The following KLHL1 variants were observed in gnomAD, a reference collection of about 807,000 sequenced individuals.
The protein encoded by KLHL1 is kelch-like protein 1.
Under a neutral mutation model 77.7 loss-of-function variants are expected in KLHL1, and 47 were observed. That is an observed-to-expected ratio of 0.60 (90% confidence interval 0.48 to 0.77). The LOEUF is 0.77. KLHL1 is among the 30% of genes least tolerant of loss of function. KLHL1 has a pLI of 0.00. For missense variants in KLHL1, 925 were observed against 910.8 expected (o/e 1.02, Z -0.20); for synonymous variants, 360 against 325.2 (o/e 1.11, Z -1.15).
intron 1 of KLHL1, among the ~76,000 whole-genome samples, chr13:70,009,732 T>A (rs1023581361): frequency 1.2e-4 from 19 of 152,202 alleles, no homozygotes; most frequent in African/African-American, 4.6e-4. Flanking sequence ...TTCATTGCTA[T>A]TCATTAATCC....
chr13:70,011,891 G>T (rs1157466246), intron 1 of KLHL1, among the ~76,000 whole-genome samples: 1 of 152,106 alleles, frequency 6.6e-6, no homozygotes, highest in African/African-American at 2.4e-5. Flanking sequence ...ATGTTTAATG[G>T]ACTTAAGAGT....
chr13:70,025,746 A>G (rs752315170), intron 1 of KLHL1, among the ~76,000 whole-genome samples: 1 of 151,868 alleles, frequency 6.6e-6, no homozygotes, highest in Non-Finnish European at 1.5e-5. Flanking sequence ...TTTTAAAAAT[A>G]TGTACAGGCA....
intron 4 of KLHL1, among the ~76,000 whole-genome samples, chr13:69,911,185 A>T (rs1882225885): frequency 6.6e-6 from 1 of 151,912 alleles, no homozygotes; most frequent in African/African-American, 2.4e-5. Context: ...AATTATTCAC[A>T]ATTTTTATAA....
chr13:70,037,914 A>C (rs1886279336), intron 1 of KLHL1, among the ~76,000 whole-genome samples: 1 of 152,080 alleles, frequency 6.6e-6, no homozygotes. Context: ...ACCACTTTAG[A>C]CTTTTTTATA....
intron 6 of KLHL1, among the ~76,000 whole-genome samples, chr13:69,837,012 G>A (rs949617565): frequency 2.0e-5 from 3 of 151,836 alleles, no homozygotes; most frequent in Admixed American, 6.6e-5. Flanking sequence ...TTGACTATAC[G>A]ACTCTTTATA....
In KLHL1 at chr13:69,991,835, T is replaced by A. The variant is rs79590245; in HGVS notation, c.498-16033A>T. Among the ~76,000 whole-genome samples, 689 of 152,106 alleles carry A rather than the reference T, an allele frequency of 4.5e-3. 3 individuals are homozygous for A. Among genetic ancestry groups the A allele is most frequent in the Middle Eastern group, 0.014 (4 of 294 alleles). ...CTCAAGTGAGAGCCAGAGATAAACA[T>A]GATAGGAGAATTTATTAATATAAAG... On this transcript the variant is annotated intron_variant, in intron 1 of 10. Coordinates refer to ENST00000377844, the MANE Select transcript of KLHL1 (RefSeq NM_020866.3).
chr13:69,900,723 C>A (rs1196387545), intron 4 of KLHL1, among the ~76,000 whole-genome samples: 1 of 152,154 alleles, frequency 6.6e-6, no homozygotes, highest in East Asian at 1.9e-4. Context: ...AAAAAGAAGA[C>A]AAGATTATTT....
At chr13:69,753,758 T>C (rs1007839153) in intron 7 of KLHL1, among the ~76,000 whole-genome samples, 7 of 152,122 alleles carry the variant, frequency 4.6e-5, no homozygotes, top group African/African-American at 1.7e-4. Flanking sequence ...CAGGGTTCTG[T>C]TGACATACAC....
intron 3 of KLHL1, among the ~76,000 whole-genome samples, chr13:69,944,919 T>C (rs1883470306): frequency 1.3e-5 from 2 of 150,298 alleles, no homozygotes; most frequent in African/African-American, 4.9e-5. Context: ...CCAAATGATA[T>C]ACAAAATTTA....
At chr13:69,862,336 G>A (rs1225168912) in intron 5 of KLHL1, among the ~76,000 whole-genome samples, 1 of 152,040 alleles carries the variant, frequency 6.6e-6, no homozygotes, top group Non-Finnish European at 1.5e-5. Flanking sequence ...AGAAAAGCCA[G>A]ATCCAAGAAC....
At chr13:69,767,995 A>G (rs1484779229) in intron 7 of KLHL1, among the ~76,000 whole-genome samples, 2 of 152,202 alleles carry the variant, frequency 1.3e-5, no homozygotes. Context: ...TATATTTACA[A>G]AATATCTAAA....
At chr13:69,904,386 C>G (rs1881980914) in intron 4 of KLHL1, among the ~76,000 whole-genome samples, 1 of 152,052 alleles carries the variant, frequency 6.6e-6, no homozygotes, top group Admixed American at 6.6e-5. Flanking sequence ...TGGTGCAAAT[C>G]CCTCCTCAAT....
intron 1 of KLHL1, among the ~76,000 whole-genome samples, chr13:70,025,183 C>T (rs1885909988): frequency 6.6e-6 from 1 of 152,056 alleles, no homozygotes; most frequent in Non-Finnish European, 1.5e-5. Flanking sequence ...ACTAATTTTC[C>T]TAAATTTGGT....
chr13:69,926,695 C>A (rs1192808443), intron 4 of KLHL1, among the ~76,000 whole-genome samples: 1 of 152,004 alleles, frequency 6.6e-6, no homozygotes. Context: ...AGCCTGTAAT[C>A]CCAGCACTTT....
chr13:69,911,337 T>G (rs1338167390), intron 4 of KLHL1, among the ~76,000 whole-genome samples: 1 of 152,186 alleles, frequency 6.6e-6, no homozygotes, highest in East Asian at 1.9e-4. Context: ...ACTCACTTTT[T>G]TTAAATCAAA....
At chr13:70,090,720 A>AT (rs1887652357) in intron 1 of KLHL1, among the ~76,000 whole-genome samples, 2 of 152,134 alleles carry the variant, frequency 1.3e-5, no homozygotes, top group African/African-American at 4.8e-5. Context: ...AAGCAATCAC[A>AT]TAACTACAAC....
intron 6 of KLHL1, among the ~76,000 whole-genome samples, chr13:69,813,239 C>G (rs1877965643): frequency 6.6e-6 from 1 of 151,804 alleles, no homozygotes. Flanking sequence ...AAAACAAACA[C>G]CGCATGTTCT....
chr13:69,949,472 A>T (rs191827239), intron 3 of KLHL1, among the ~76,000 whole-genome samples: 2 of 151,942 alleles, frequency 1.3e-5, no homozygotes, highest in African/African-American at 4.8e-5. Flanking sequence ...TATCAACGTG[A>T]CTTATCACTG....
chr13:70,034,677 G>A (rs781479741), intron 1 of KLHL1, among the ~76,000 whole-genome samples: 1 of 152,166 alleles, frequency 6.6e-6, no homozygotes, highest in Non-Finnish European at 1.5e-5. Context: ...GAGGGGAAGA[G>A]GTGCATGTGT....
Sources: gnomAD v4.1 joint callset for allele counts (sites outside exome capture counted in the v4.1 genomes callset) on GRCh38, gnomAD v4.1.1 for gene constraint, MANE v1.5 for transcripts, NCBI Gene and HGNC (gene_info 2026-07-23, HGNC 2026-07-21) for gene names.